DMC1: variants seen among roughly 807,000 people sequenced by gnomAD.
DMC1 encodes the protein DNA meiotic recombinase 1.
In DMC1, 27 loss-of-function variants were observed where a neutral mutation model predicts 50.1. The ratio of observed to expected loss-of-function variants is 0.54; its 90% CI spans 0.40 to 0.74. The LOEUF is 0.74. DMC1 is among the 30% of genes least tolerant of loss of function. DMC1 has a pLI of 0.00. For synonymous variants in DMC1, 148 were observed against 136.1 expected (o/e 1.09, Z -0.61); for missense variants, 295 against 420.2 (o/e 0.70, Z 2.60).
chr22:38,566,189 G>A (rs1017136102), intron 4 of DMC1, among the ~76,000 whole-genome samples: 4 of 151,216 alleles, frequency 2.6e-5, no homozygotes, highest in African/African-American at 4.9e-5. Context: ...CAGGAGACTC[G>A]CTTGAACCCC....
At chr22:38,555,277 T>C (rs2090457708) in intron 6 of DMC1, 80 bp downstream of exon 6, 2 of 873,134 alleles carry the variant, frequency 2.3e-6, no homozygotes, top group Non-Finnish European at 3.7e-6. Context: ...TTTATTTAAT[T>C]ATATGTGTAT....
intron 12 of DMC1, among the ~76,000 whole-genome samples, chr22:38,530,471 C>T (rs772273113): frequency 3.1e-4 from 47 of 151,256 alleles, no homozygotes; most frequent in Non-Finnish European, 4.1e-4. Context: ...TTCTTTTTTG[C>T]GGGGGGAGGT....
At chr22:38,547,936 A>G (rs2090362225) in intron 8 of DMC1, among the ~76,000 whole-genome samples, 1 of 152,032 alleles carries the variant, frequency 6.6e-6, no homozygotes, top group Non-Finnish European at 1.5e-5. Flanking sequence ...TGTTCGCTTG[A>G]ACTCCTAATT....
At chr22:38,530,949 A>G (rs1024353937) in intron 12 of DMC1, among the ~76,000 whole-genome samples, 7 of 152,168 alleles carry the variant, frequency 4.6e-5, no homozygotes, top group Non-Finnish European at 8.8e-5. Flanking sequence ...ATGCTCCTGT[A>G]ATCCCAGTTA....
At chr22:38,562,395 C>A in intron 4 of DMC1, 26 bp from the exon 5 acceptor site, 2 of 1,493,126 alleles carry the variant, frequency 1.3e-6, no homozygotes, top group South Asian at 1.1e-5. Context: ...AGGAAATGTT[C>A]AAAAAGAGTT....
chr22:38,541,919 C>G (rs374262723), intron 8 of DMC1, among the ~76,000 whole-genome samples: 34 of 151,438 alleles, frequency 2.2e-4, no homozygotes, highest in Non-Finnish European at 2.8e-4. Context: ...TCAACATATA[C>G]AAATCAATGT....
chr22:38,511,344 C>T, the DMC1 span, among the ~76,000 whole-genome samples: 1 of 147,922 alleles, frequency 6.8e-6, no homozygotes, highest in Admixed American at 6.7e-5. Flanking sequence ...TTTGGGAGGC[C>T]GAGGCGGGAG....
rs11570391 is a variant in DMC1 at position 38,562,611 on chromosome 22, T to C, written c.244-242A>G. Reference sequence around the variant, plus strand: ...CTATGATATGGAGTAAACTACTTAATCTTGCTATACATCAGCTTCCTCTTT... The same window carrying C: ...CTATGATATGGAGTAAACTACTTAACCTTGCTATACATCAGCTTCCTCTTT... On this transcript the variant is annotated intron_variant, in intron 4 of 13. Transcript: ENST00000216024. Among the ~76,000 whole-genome samples the C allele has an allele frequency of 9.1e-3, 1,391 of 152,220 alleles. 21 individuals carry two copies. The highest frequency in any genetic ancestry group is 0.032 in the African/African-American group (1,328 of 41,528).
chr22:38,531,670 C>A (rs2090153158), intron 12 of DMC1, among the ~76,000 whole-genome samples: 1 of 151,932 alleles, frequency 6.6e-6, no homozygotes, highest in South Asian at 2.1e-4. Context: ...ATTTAATATA[C>A]TTTATTAACA....
At chr22:38,539,172 T>A in intron 9 of DMC1, 149 bp downstream of exon 9, 1 of 633,900 alleles carries the variant, frequency 1.6e-6, no homozygotes, top group East Asian at 2.8e-5. Flanking sequence ...TCTAAGGACT[T>A]ACCAGATGAT....
intron 12 of DMC1, among the ~76,000 whole-genome samples, chr22:38,531,042 C>G (rs1016656151): frequency 1.3e-5 from 2 of 152,090 alleles, no homozygotes; most frequent in African/African-American, 4.8e-5. Flanking sequence ...TGCACTCCAG[C>G]CTGGGTGACA....
chr22:38,562,865 T>G (rs1361124382), intron 4 of DMC1, among the ~76,000 whole-genome samples: 4 of 151,942 alleles, frequency 2.6e-5, no homozygotes, highest in Admixed American at 2.6e-4. Flanking sequence ...ATTCCTGGAT[T>G]CAAGTGATTC....
the DMC1 span, among the ~76,000 whole-genome samples, chr22:38,511,370 G>C: frequency 6.6e-6 from 1 of 152,102 alleles, no homozygotes; most frequent in African/African-American, 2.4e-5. Flanking sequence ...CTTGAGCCCA[G>C]GAGTTCAAGA....
intron 5 of DMC1, 91 bp from the exon 6 acceptor site, chr22:38,555,500 C>A (rs372908501): frequency 7.3e-6 from 6 of 822,092 alleles, no homozygotes; most frequent in East Asian, 2.6e-5. Flanking sequence ...TCCTTCCTAT[C>A]TATGTATCTA....
At chr22:38,561,117 TCTCA>T (rs2145995461) in intron 5 of DMC1, among the ~76,000 whole-genome samples, 1 of 152,044 alleles carries the variant, frequency 6.6e-6, no homozygotes, top group Non-Finnish European at 1.5e-5. Context: ...AATCCTTCTA[TCTCA>T]CTCAGACTGC....
At chr22:38,559,259 G>C (rs1241963508) in intron 5 of DMC1, among the ~76,000 whole-genome samples, 1 of 152,122 alleles carries the variant, frequency 6.6e-6, no homozygotes. Flanking sequence ...TCGAACTCCT[G>C]ATCTCAAGTG....
chr22:38,559,239 T>G (rs974617671), intron 5 of DMC1, among the ~76,000 whole-genome samples: 1 of 152,020 alleles, frequency 6.6e-6, no homozygotes, highest in Non-Finnish European at 1.5e-5. Flanking sequence ...CCATGTTGGT[T>G]AGGCTGGTCT....
intron 7 of DMC1, among the ~76,000 whole-genome samples, chr22:38,551,422 G>T (rs935447121): frequency 2.0e-5 from 3 of 151,616 alleles, no homozygotes; most frequent in Non-Finnish European, 4.4e-5. Context: ...TCTGCCTCCC[G>T]GGTTCAAGTG....
chr22:38,527,099 C>T (rs939553145), intron 12 of DMC1, among the ~76,000 whole-genome samples: 1 of 152,188 alleles, frequency 6.6e-6, no homozygotes, highest in Non-Finnish European at 1.5e-5. Context: ...TCCTGATATA[C>T]TGTGTGTTGT....
Sources: allele counts gnomAD v4.1 joint callset (sites outside exome capture counted in the v4.1 genomes callset), GRCh38; gene constraint gnomAD v4.1.1; transcripts MANE v1.5; gene names NCBI Gene and HGNC (gene_info 2026-07-23, HGNC 2026-07-21).